TRPM1: variants seen among roughly 807,000 people sequenced by gnomAD.
TRPM1 encodes transient receptor potential cation channel subfamily M member 1.
A neutral mutation model predicts 149.4 loss-of-function variants in TRPM1; 113 were observed. That is an observed-to-expected ratio of 0.76 (90% CI 0.65 to 0.88). The LOEUF (loss-of-function observed/expected upper bound fraction) is 0.88. TRPM1 is among the 40% of genes least tolerant of loss of function. The probability of loss-of-function intolerance (pLI) is 0.00; values close to 1 mark genes in which losing one functional copy is unlikely to be tolerated. For missense variants in TRPM1, 1,976 were observed against 2,038.7 expected, an observed-to-expected ratio of 0.97 and a Z score of 0.59; for synonymous variants, 741 against 759.5, an observed-to-expected ratio of 0.98 and a Z score of 0.40.
At chr15:31,065,062 C>A (rs1395090036) in intron 7 of TRPM1, 1 of 534,624 alleles carries the variant, frequency 1.9e-6, no homozygotes, top group Non-Finnish European at 3.8e-6. Context: ...CAACTGAGCA[C>A]CCCTTTGCTG....
intron 27 of TRPM1, among the ~76,000 whole-genome samples, chr15:31,007,659 C>T (rs931779948): frequency 1.1e-5 from 1 of 87,680 alleles, no homozygotes; most frequent in South Asian, 4.0e-4. Flanking sequence ...GCAGCAACAA[C>T]AACAACAACA....
intron 1 of TRPM1, among the ~76,000 whole-genome samples, chr15:31,132,148 G>T (rs1170209032): frequency 6.6e-6 from 1 of 152,242 alleles, no homozygotes; most frequent in East Asian, 1.9e-4. Context: ...ACTGTCTTGG[G>T]TTTGCATGGG....
At chr15:31,052,172 T>G (rs1193089055) in intron 11 of TRPM1, among the ~76,000 whole-genome samples, 1 of 152,162 alleles carries the variant, frequency 6.6e-6, no homozygotes, top group Admixed American at 6.5e-5. Context: ...AATATAAAAA[T>G]GGAAGCAAGT....
rs1181341536 is a variant in TRPM1 at position 31,062,667 on chromosome 15, A to G, written c.1001T>C (p.Val334Ala). 4 of 1,614,026 alleles carry G rather than the reference A, an allele frequency of 2.5e-6. No homozygotes were observed. In the African/African-American group the frequency reaches 5.3e-5, roughly 22 times the overall value. Reference sequence around the variant, plus strand: ...ATAATTAAATGTTTTCTGAATGGTAACTAGAAGCTGCTCCCTGAGGGACTC... The same window carrying G: ...ATAATTAAATGTTTTCTGAATGGTAGCTAGAAGCTGCTCCCTGAGGGACTC... ...INESLREQLLVTIQKTFNYNK... is the reference protein window; with the variant it reads ...INESLREQLLATIQKTFNYNK... The change falls in exon 9 of 28, where the codon GTT becomes GCT. Residue 334 changes from valine to alanine, a missense_variant. Val to Ala is a moderately conservative substitution (Grantham distance 64, BLOSUM62 0). Transcript: ENST00000256552.
intron 1 of TRPM1, among the ~76,000 whole-genome samples, chr15:31,085,635 C>T (rs1053790096): frequency 1.1e-4 from 16 of 152,130 alleles, no homozygotes; most frequent in South Asian, 6.2e-4. Flanking sequence ...GAACGCTTGT[C>T]GCTTTTGCCT....
intron 1 of TRPM1, among the ~76,000 whole-genome samples, chr15:31,088,753 G>C (rs775583272): frequency 2.0e-5 from 3 of 151,560 alleles, no homozygotes; most frequent in Non-Finnish European, 1.5e-5. Context: ...CCTGCTACCT[G>C]TGGGAACGTT....
At chr15:31,060,523 A>T (rs200269953) in intron 11 of TRPM1, 21 bp downstream of exon 11, 19 of 1,600,310 alleles carry the variant, frequency 1.2e-5, no homozygotes, top group Non-Finnish European at 1.6e-5. Flanking sequence ...AATGATATGA[A>T]TCGAAAAAAA....
At chr15:31,093,398 C>T (rs1310087138) in intron 1 of TRPM1, among the ~76,000 whole-genome samples, 2 of 151,040 alleles carry the variant, frequency 1.3e-5, no homozygotes, top group Non-Finnish European at 2.9e-5. Context: ...TATTTCTGTA[C>T]AGCAAAAACA....
chr15:31,065,943 G>A (rs2034362245), intron 7 of TRPM1, 133 bp downstream of exon 7: 6 of 1,097,340 alleles, frequency 5.5e-6, no homozygotes, highest in Non-Finnish European at 8.0e-6. Flanking sequence ...ATCTAGGTGA[G>A]TCATTTTCTG....
intron 1 of TRPM1, among the ~76,000 whole-genome samples, chr15:31,119,351 A>G (rs1157803108): frequency 6.6e-6 from 1 of 152,220 alleles, no homozygotes; most frequent in Non-Finnish European, 1.5e-5. Flanking sequence ...AGAAAATGAG[A>G]AGAAATATTT....
intron 1 of TRPM1, among the ~76,000 whole-genome samples, chr15:31,117,443 G>A (rs978529747): frequency 4.0e-5 from 6 of 151,826 alleles, no homozygotes; most frequent in Non-Finnish European, 7.4e-5. Flanking sequence ...CCGAGATCGT[G>A]CCACTGCACT....
chr15:31,099,931 G>A (rs1232437647), intron 1 of TRPM1, among the ~76,000 whole-genome samples: 1 of 152,120 alleles, frequency 6.6e-6, no homozygotes, highest in Admixed American at 6.5e-5. Context: ...TAGAGAGGCA[G>A]GGCTCCGTTC....
At chr15:31,148,663 C>G (rs1382885703) in intron 1 of TRPM1, among the ~76,000 whole-genome samples, 2 of 152,194 alleles carry the variant, frequency 1.3e-5, no homozygotes, top group Non-Finnish European at 2.9e-5. Context: ...TCTATTTCAG[C>G]AGCCTGTCAT....
intron 1 of TRPM1, among the ~76,000 whole-genome samples, chr15:31,144,272 C>CA (rs1204049637): frequency 6.6e-6 from 1 of 151,682 alleles, no homozygotes; most frequent in Non-Finnish European, 1.5e-5. Context: ...CCCGTCTCTA[C>CA]AAAAAAAATA....
intron 1 of TRPM1, among the ~76,000 whole-genome samples, chr15:31,090,892 G>A (rs1021304399): frequency 6.6e-6 from 1 of 152,082 alleles, no homozygotes; most frequent in African/African-American, 2.4e-5. Flanking sequence ...ACTTTCCTGA[G>A]TCTTGATTAG....
At chr15:31,124,027 G>A (rs2035912689) in intron 1 of TRPM1, among the ~76,000 whole-genome samples, 1 of 152,184 alleles carries the variant, frequency 6.6e-6, no homozygotes, top group Non-Finnish European at 1.5e-5. Flanking sequence ...GGCTGGGTGT[G>A]GTACCCAGTA....
At chr15:31,107,035 C>T (rs1309518066) in intron 1 of TRPM1, among the ~76,000 whole-genome samples, 1 of 152,012 alleles carries the variant, frequency 6.6e-6, no homozygotes, top group African/African-American at 2.4e-5. Context: ...ATATTGTTGT[C>T]TGGTTTTGAT....
chr15:31,146,033 C>T (rs895056104), intron 1 of TRPM1, among the ~76,000 whole-genome samples: 1 of 152,134 alleles, frequency 6.6e-6, no homozygotes, highest in South Asian at 2.1e-4. Flanking sequence ...CTGTCCTGGG[C>T]CACAGGTAGG....
chr15:31,109,330 C>CAT (rs2035650633), intron 1 of TRPM1, among the ~76,000 whole-genome samples: 1 of 35,998 alleles, frequency 2.8e-5, no homozygotes, highest in Non-Finnish European at 4.8e-5. Flanking sequence ...TGAGACTCTG[C>CAT]CTCAAAAAAA....
Sources: gnomAD v4.1 joint callset for allele counts (sites outside exome capture counted in the v4.1 genomes callset) on GRCh38, gnomAD v4.1.1 for gene constraint, MANE v1.5 for transcripts, NCBI Gene and HGNC (gene_info 2026-07-23, HGNC 2026-07-21) for gene names.